The following OSBPL1A variants were observed in gnomAD, a reference collection of about 807,000 sequenced individuals.
OSBPL1A encodes the protein oxysterol binding protein like 1A.
Under a neutral mutation model 137.1 loss-of-function variants are expected in OSBPL1A, and 80 were observed. The ratio of observed to expected loss-of-function variants is 0.58; its 90% CI spans 0.49 to 0.70. The LOEUF is 0.70. Ranked by LOEUF, OSBPL1A falls within the 30% of genes least tolerant of loss-of-function variation. OSBPL1A has a pLI of 0.00. For synonymous variants in OSBPL1A, 365 were observed against 389.7 expected, an observed-to-expected ratio of 0.94 and a Z score of 0.75; for missense variants, 970 against 1,129.4, an observed-to-expected ratio of 0.86 and a Z score of 2.02.
intron 21 of OSBPL1A, among the ~76,000 whole-genome samples, chr18:24,176,209 T>G (rs2086442590): frequency 6.6e-6 from 1 of 152,224 alleles, no homozygotes; most frequent in Non-Finnish European, 1.5e-5. Context: ...CTTGGGATTT[T>G]GATTTGGACT....
chr18:24,192,263 C>T (rs574792047), intron 18 of OSBPL1A, among the ~76,000 whole-genome samples: 1 of 152,210 alleles, frequency 6.6e-6, no homozygotes, highest in South Asian at 2.1e-4. Context: ...GAGAAAGCCA[C>T]TGGAGCAAAG....
chr18:24,218,674 G>A (rs902152208), intron 17 of OSBPL1A, among the ~76,000 whole-genome samples: 3 of 152,002 alleles, frequency 2.0e-5, no homozygotes, highest in African/African-American at 4.8e-5. Flanking sequence ...TCGAACTCCT[G>A]ACCTCAGGTG....
intron 1 of OSBPL1A, among the ~76,000 whole-genome samples, chr18:24,382,355 T>TGAGATTGTGCCACCGCACTCAGCC (rs1906655932): frequency 7.1e-6 from 1 of 140,874 alleles, no homozygotes; most frequent in Non-Finnish European, 1.5e-5. Context: ...TGCAGTGAGC[T>TGAGATTGTGCCACCGCACTCAGCC]GAGATTGTGC....
At position 24,166,710 on chromosome 18, in the gene OSBPL1A, G is replaced by T. The variant is rs1194903601; in HGVS notation, c.2536-8C>A. 1.9e-6 allele frequency: 3 copies of T among 1,600,708 alleles called. No individual in the cohort carries two copies. The highest frequency in any genetic ancestry group is 2.6e-6 in the Non-Finnish European group (3 of 1,176,252). On this transcript the variant is annotated splice_polypyrimidine_tract_variant and splice_region_variant and intron_variant, in intron 25 of 27. Transcript: ENST00000319481. ...ACTAGTAAAATTATACATCTGAAAA[G>T]AAGCAAAAGGAAGAAATTAAAATAT...
intron 18 of OSBPL1A, among the ~76,000 whole-genome samples, chr18:24,193,017 G>T (rs1599467420): frequency 6.6e-6 from 1 of 152,124 alleles, no homozygotes; most frequent in South Asian, 2.1e-4. Context: ...AAGAGCTAAG[G>T]CTCAGTATCA....
intron 1 of OSBPL1A, among the ~76,000 whole-genome samples, chr18:24,391,274 G>A (rs76839572): frequency 0.07 from 10,633 of 152,168 alleles, 468 homozygotes; most frequent in East Asian, 0.16. Flanking sequence ...GGTGGTTGCC[G>A]GTGGCTCGGA....
chr18:24,181,712 G>C (rs1365946401), intron 18 of OSBPL1A, among the ~76,000 whole-genome samples: 1 of 152,126 alleles, frequency 6.6e-6, no homozygotes, highest in Non-Finnish European at 1.5e-5. Context: ...TAAGCAAACC[G>C]CTGAAACCCT....
chr18:24,386,301 C>T (rs901480826), intron 1 of OSBPL1A, among the ~76,000 whole-genome samples: 35 of 152,156 alleles, frequency 2.3e-4, no homozygotes, highest in African/African-American at 8.4e-4. Context: ...CTAAAGCCCA[C>T]AGATATCAGT....
At chr18:24,188,922 G>A (rs887011268) in intron 18 of OSBPL1A, among the ~76,000 whole-genome samples, 1 of 152,092 alleles carries the variant, frequency 6.6e-6, no homozygotes, top group Non-Finnish European at 1.5e-5. Flanking sequence ...TCTAGATAAT[G>A]TATACAACCA....
At chr18:24,217,640 G>T (rs1211069722) in intron 17 of OSBPL1A, among the ~76,000 whole-genome samples, 2 of 152,102 alleles carry the variant, frequency 1.3e-5, no homozygotes, top group Non-Finnish European at 1.5e-5. Flanking sequence ...AGCACCTAAA[G>T]AAATAAAGAT....
intron 15 of OSBPL1A, among the ~76,000 whole-genome samples, chr18:24,261,321 C>T (rs575133944): frequency 6.6e-6 from 1 of 152,090 alleles, no homozygotes; most frequent in Non-Finnish European, 1.5e-5. Context: ...TAGAAGTATT[C>T]CTTATCTTGA....
intron 7 of OSBPL1A, among the ~76,000 whole-genome samples, chr18:24,322,044 G>A (rs977414450): frequency 4.0e-5 from 6 of 151,624 alleles, no homozygotes; most frequent in African/African-American, 1.5e-4. Flanking sequence ...GATACTGGTG[G>A]TTTGGACTAG....
At chr18:24,357,008 T>G (rs1287980623) in intron 4 of OSBPL1A, 6 of 152,176 alleles carry the variant, frequency 3.9e-5, no homozygotes, top group African/African-American at 1.4e-4. Flanking sequence ...TGGATTCACA[T>G]GGACAAGAGT....
chr18:24,194,276 G>C (rs944882818), intron 18 of OSBPL1A, among the ~76,000 whole-genome samples: 8 of 152,092 alleles, frequency 5.3e-5, no homozygotes, highest in African/African-American at 1.7e-4. Flanking sequence ...TCAAATGGTG[G>C]GTCTGGTTCA....
chr18:24,272,907 A>C (rs2089755803), intron 15 of OSBPL1A, among the ~76,000 whole-genome samples: 1 of 151,848 alleles, frequency 6.6e-6, no homozygotes, highest in African/African-American at 2.4e-5. Context: ...GTATTAATTA[A>C]TTAATTTATT....
intron 17 of OSBPL1A, among the ~76,000 whole-genome samples, chr18:24,219,463 AT>A (rs2087816690): frequency 6.6e-6 from 1 of 152,204 alleles, no homozygotes; most frequent in African/African-American, 2.4e-5. Context: ...AAATGGGATT[AT>A]TCATCTGAAA....
intron 4 of OSBPL1A, among the ~76,000 whole-genome samples, chr18:24,347,096 ATTGATTTTGAAAGATATAC>A (rs2146165122): frequency 6.6e-6 from 1 of 152,260 alleles, no homozygotes; most frequent in South Asian, 2.1e-4. Context: ...ATGTTCCCGT[ATTGATTTTGAAAGATATAC>A]TTTTTCTATA....
intron 7 of OSBPL1A, among the ~76,000 whole-genome samples, chr18:24,325,356 C>T (rs2090955125): frequency 6.6e-6 from 1 of 152,240 alleles, no homozygotes; most frequent in Non-Finnish European, 1.5e-5. Context: ...ATCCACTCTT[C>T]TCCAGCTCGC....
At chr18:24,360,723 A>G (rs2091608790) in intron 4 of OSBPL1A, among the ~76,000 whole-genome samples, 1 of 152,116 alleles carries the variant, frequency 6.6e-6, no homozygotes, top group Non-Finnish European at 1.5e-5. Flanking sequence ...TGGGTATCTC[A>G]GGTACTCTGT....
Sources: allele counts gnomAD v4.1 joint callset (sites outside exome capture counted in the v4.1 genomes callset), GRCh38; gene constraint gnomAD v4.1.1; transcripts MANE v1.5; gene names NCBI Gene and HGNC (gene_info 2026-07-23, HGNC 2026-07-21).